UGT1A6: variants seen among roughly 807,000 people sequenced by gnomAD.
UGT1A6 encodes UDP glucuronosyltransferase family 1 member A6, also known as UDP-glucuronosyltransferase 1A6.
A neutral mutation model predicts 44.4 loss-of-function variants in UGT1A6; 32 were observed. The ratio of observed to expected loss-of-function variants is 0.72; its 90% confidence interval spans 0.54 to 0.97. The LOEUF is 0.97. Ranked by LOEUF, UGT1A6 falls within the 50% of genes least tolerant of loss-of-function variation. UGT1A6 has a pLI of 0.00. For missense variants in UGT1A6, 685 were observed against 661.9 expected, an observed-to-expected ratio of 1.03 and a Z score of -0.38; for synonymous variants, 238 against 248.5, an observed-to-expected ratio of 0.96 and a Z score of 0.40.
At chr2:233,754,838 G>A (rs1298035120) in intron 1 of UGT1A6, 8 of 1,343,666 alleles carry the variant, frequency 6.0e-6, no homozygotes, top group South Asian at 1.1e-5. Context: ...GAAATTCACT[G>A]AAGGCAGAGA....
At chr2:233,759,139 A>C (rs1697067620) in intron 1 of UGT1A6, among the ~76,000 whole-genome samples, 1 of 152,242 alleles carries the variant, frequency 6.6e-6, no homozygotes, top group Non-Finnish European at 1.5e-5. Flanking sequence ...TACGCAATGA[A>C]GGTGAGTTCC....
chr2:233,741,051 T>G (rs1437462730), intron 1 of UGT1A6, among the ~76,000 whole-genome samples: 1 of 151,772 alleles, frequency 6.6e-6, no homozygotes, highest in Non-Finnish European at 1.5e-5. Context: ...CTTGCCTAGG[T>G]AACAGCTACA....
chr2:233,695,124 T>C (rs897495873), intron 1 of UGT1A6, among the ~76,000 whole-genome samples: 33 of 116,872 alleles, frequency 2.8e-4, no homozygotes, highest in African/African-American at 1.1e-3. Context: ...CCAACCCTTT[T>C]CTTTTCTTTT....
Position 233,693,129 on chromosome 2 carries a change from T to C in UGT1A6, c.125T>C (p.Met42Thr). Residue 42 changes from methionine (M) to threonine (T), a missense_variant, in exon 1 of 5, where the codon ATG (methionine) becomes ACG (threonine). Met to Thr is a moderately conservative substitution (Grantham distance 81, BLOSUM62 -1). Transcript: ENST00000305139. ...VPQDGSHWLS[M>T]KDIVEVLSDR... is the part of the protein sequence containing the mutation. Reference sequence around the variant, plus strand: ...CAGGACGGAAGCCACTGGCTTAGTATGAAGGATATAGTTGAGGTTCTCAGT... The same window carrying C: ...CAGGACGGAAGCCACTGGCTTAGTACGAAGGATATAGTTGAGGTTCTCAGT... 6.2e-7 allele frequency: 1 copy of C among 1,614,192 alleles called. No individual in the cohort carries two copies. The highest frequency in any genetic ancestry group is 8.5e-7 in the Non-Finnish European group (1 of 1,180,042).
At chr2:233,746,424 C>T (rs1693388244) in intron 1 of UGT1A6, among the ~76,000 whole-genome samples, 1 of 151,702 alleles carries the variant, frequency 6.6e-6, no homozygotes, top group South Asian at 2.1e-4. Context: ...GACCTATTAA[C>T]TTATGTCTTC....
At chr2:233,697,703 A>G (rs1225043788) in intron 1 of UGT1A6, among the ~76,000 whole-genome samples, 2 of 151,894 alleles carry the variant, frequency 1.3e-5, no homozygotes, top group South Asian at 2.1e-4. Context: ...GGATGTAGGC[A>G]TTTATTGTTA....
In UGT1A6 at chr2:233,768,425, C is replaced by T. The variant is rs1021872145; in HGVS notation, c.1287C>T (p.Val429=). Residue 429 remains valine, a synonymous_variant, in exon 4 of 5, where the codon GTC becomes GTT. Transcript: ENST00000305139. The part of the protein sequence containing the change: ...SEDLENALKA[V]INDKSYKENI... ...ATTTAGAAAATGCTCTAAAAGCAGT[C>T]ATCAATGACAAAAGGTAAGAAAGAA... 1.2e-6 allele frequency: 2 copies of T among 1,613,876 alleles called. No homozygotes were observed. The highest frequency in any genetic ancestry group is 1.7e-5 in the Admixed American group (1 of 59,984).
intron 1 of UGT1A6, among the ~76,000 whole-genome samples, chr2:233,699,494 A>G (rs752077741): frequency 1.1e-4 from 17 of 152,338 alleles, no homozygotes; most frequent in Middle Eastern, 3.4e-3. Context: ...TTCTACTTGT[A>G]ATACAAAGAA....
At chr2:233,713,906 T>C (rs759773170) in intron 1 of UGT1A6, 10 of 1,612,574 alleles carry the variant, frequency 6.2e-6, no homozygotes, top group Non-Finnish European at 8.5e-6. Flanking sequence ...CAAAACACTT[T>C]TTAAAAAATG....
chr2:233,729,652 A>T, intron 1 of UGT1A6: 1 of 1,613,890 alleles, frequency 6.2e-7, no homozygotes, highest in Non-Finnish European at 8.5e-7. Flanking sequence ...TTTGAGGAAC[A>T]TTCCATGTGA....
rs770433443 is a variant in UGT1A6 at position 233,767,890 on chromosome 2, G to T, written c.1035G>T (p.Ala345=). The T allele has an allele frequency of 4.3e-6, 7 of 1,614,094 alleles. No individual in the cohort carries two copies. Among genetic ancestry groups the T allele is most frequent in the Non-Finnish European group, 1.7e-6 (2 of 1,180,038 alleles). The change falls in exon 3 of 5, where the codon GCG becomes GCT. Residue 345 remains alanine, a synonymous_variant. Transcript: ENST00000305139. ...RYTGTRPSNL[A]NNTILVKWLP... is the part of the protein sequence containing the mutation. ...CTGGAACCCGACCATCGAATCTTGC[G>T]AACAACACGATACTTGTTAAGTGGC...
intron 1 of UGT1A6, among the ~76,000 whole-genome samples, chr2:233,697,574 T>A (rs1184088386): frequency 6.6e-6 from 1 of 151,944 alleles, no homozygotes; most frequent in African/African-American, 2.4e-5. Context: ...TTTAATTTAT[T>A]TTTTCCCTGA....
chr2:233,730,151 G>T (rs947267148), intron 1 of UGT1A6, among the ~76,000 whole-genome samples: 3 of 152,154 alleles, frequency 2.0e-5, no homozygotes, highest in Admixed American at 2.0e-4. Flanking sequence ...AACTGTTAAG[G>T]GGTCTCTAGT....
intron 4 of UGT1A6, among the ~76,000 whole-genome samples, chr2:233,768,726 G>T (rs929247208): frequency 2.6e-5 from 4 of 151,498 alleles, no homozygotes; most frequent in Non-Finnish European, 5.9e-5. Flanking sequence ...GGGATTACAG[G>T]TGTCCACCAC....
chr2:233,719,346 A>C (rs45540231), intron 1 of UGT1A6: 4 of 1,613,698 alleles, frequency 2.5e-6, no homozygotes, highest in Non-Finnish European at 3.4e-6. Flanking sequence ...TTGGAGGTAC[A>C]TTCCATGTGA....
chr2:233,740,668 G>A (rs1267064015), intron 1 of UGT1A6: 1 of 151,782 alleles, frequency 6.6e-6, no homozygotes, highest in Non-Finnish European at 1.5e-5. Context: ...GAAGGTACAG[G>A]TGTTTCCATG....
chr2:233,728,343 G>A (rs1020257927), intron 1 of UGT1A6, among the ~76,000 whole-genome samples: 1 of 152,192 alleles, frequency 6.6e-6, no homozygotes, highest in African/African-American at 2.4e-5. Context: ...CAGTCCCTTG[G>A]TGAGCAGGAG....
At chr2:233,729,310 A>G (rs771983234) in intron 1 of UGT1A6, 1 of 1,614,266 alleles carries the variant, frequency 6.2e-7, no homozygotes, top group Non-Finnish European at 8.5e-7. Flanking sequence ...AGTGGTCCTC[A>G]CCCCAGAGGT....
At chr2:233,702,551 G>A (rs1489812994) in intron 1 of UGT1A6, among the ~76,000 whole-genome samples, 1 of 152,126 alleles carries the variant, frequency 6.6e-6, no homozygotes, top group Admixed American at 6.5e-5. Flanking sequence ...CTTAGGTGGG[G>A]AAGTATTCAG....
Sources: gnomAD v4.1 joint callset for allele counts (sites outside exome capture counted in the v4.1 genomes callset) on GRCh38, gnomAD v4.1.1 for gene constraint, MANE v1.5 for transcripts, NCBI Gene and HGNC (gene_info 2026-07-23, HGNC 2026-07-21) for gene names.